The following ATP2C2 variants were observed in gnomAD, a reference collection of about 807,000 sequenced individuals.
ATP2C2 encodes the protein ATPase secretory pathway Ca2+ transporting 2, also known as calcium-transporting ATPase type 2C member 2.
ATP2C2 carries 171 observed loss-of-function variants against 110.8 expected under a neutral mutation model. That is an observed-to-expected ratio of 1.54 (90% CI 1.36 to 1.75). The LOEUF (loss-of-function observed/expected upper bound fraction) is 1.75, where lower values mean the gene tolerates loss of function less well. Among genes scored for constraint, ATP2C2 ranks in the 40% most tolerant of loss-of-function variants. ATP2C2 has a pLI of 0.00. For synonymous variants in ATP2C2, 804 were observed against 508.4 expected, an observed-to-expected ratio of 1.58 and a Z score of -7.82; for missense variants, 1,963 against 1,235.0, an observed-to-expected ratio of 1.59 and a Z score of -8.84.
Position 84,462,082 on chromosome 16 carries a change from T to TC in ATP2C2, c.2681dup (p.Leu895AlafsTer14), listed in dbSNP as rs758380801. ...CTGGGGCAGCTGGCGGTCATTTACATCCCCCCGCTGCAGAGGGTCTTCCAG... is the reference window on the plus strand; with the variant it reads ...CTGGGGCAGCTGGCGGTCATTTACATCCCCCCCGCTGCAGAGGGTCTTCCAG... On this transcript the variant is annotated frameshift_variant, in exon 26 of 27. Coordinates refer to ENST00000262429, the MANE Select transcript of ATP2C2 (RefSeq NM_014861.4). LOFTEE classifies it low-confidence loss of function (END_TRUNC). The TC allele has an allele frequency of 8.1e-6, 13 of 1,613,736 alleles. No individual in the cohort carries two copies. Among genetic ancestry groups the TC allele is most frequent in the Admixed American group, 3.3e-5 (2 of 59,974 alleles).
chr16:84,399,060 C>T (rs970443897), intron 2 of ATP2C2, among the ~76,000 whole-genome samples: 1 of 152,212 alleles, frequency 6.6e-6, no homozygotes, highest in Non-Finnish European at 1.5e-5. Flanking sequence ...GGTACTAAAA[C>T]CAAATTCTCC....
rs528016442 is a variant in ATP2C2, at chr16:84,455,676, T to A, written c.2147+692T>A. On this transcript the variant is annotated intron_variant, in intron 21 of 26. Transcript: ENST00000262429. Reference sequence around the variant, plus strand: ...ACAAAAAATCCAAATAAACAAATATTGAGGCTAGGTGGATCGTGCACTTTA... The same window carrying A: ...ACAAAAAATCCAAATAAACAAATATAGAGGCTAGGTGGATCGTGCACTTTA... 9.9e-5 allele frequency among the ~76,000 whole-genome samples: 15 copies of A among 151,976 alleles called. No individual in the cohort carries two copies. The South Asian group carries it at 2.9e-3, about 30-fold the overall frequency.
intron 10 of ATP2C2, among the ~76,000 whole-genome samples, chr16:84,423,638 T>G (rs1278894410): frequency 6.6e-6 from 1 of 152,198 alleles, no homozygotes; most frequent in Non-Finnish European, 1.5e-5. Context: ...GGAGGCCATG[T>G]TTCTGTTCAG....
chr16:84,461,843 G>A (rs781012637), intron 25 of ATP2C2, 31 bp downstream of exon 25: 1 of 1,610,314 alleles, frequency 6.2e-7, no homozygotes, highest in African/African-American at 1.3e-5. Context: ...CCTCGCTGCA[G>A]AGCTGCTGTG....
At position 84,448,585 on chromosome 16, in the gene ATP2C2, A is replaced by C. The variant is rs1037890927; in HGVS notation, c.1556A>C (p.Tyr519Ser). The C allele has an allele frequency of 6.2e-6, 10 of 1,613,974 alleles. No homozygotes were observed. The highest frequency in any genetic ancestry group is 1.3e-5 in the African/African-American group (1 of 74,916). ...MKGALEEVIR[Y>S]CTMYNNGGIP... ...GGGGCCTTGGAAGAGGTGATCCGCT[A>C]CTGCACCATGTACAACAACGGGGGC... The change falls in exon 17 of 27, where the codon TAC (tyrosine) becomes TCC (serine). Residue 519 changes from tyrosine to serine, a missense_variant. Transcript: ENST00000262429.
chr16:84,435,204 C>G (rs1038654006), intron 11 of ATP2C2, among the ~76,000 whole-genome samples: 2 of 152,198 alleles, frequency 1.3e-5, no homozygotes, highest in African/African-American at 4.8e-5. Context: ...TTTCACATTT[C>G]AACTCCTCTG....
chr16:84,461,793 C>T lies in ATP2C2; in HGVS notation c.2561C>T (p.Ala854Val). The change falls in exon 25 of 27, where the codon GCC becomes GTC. Residue 854 changes from alanine to valine, a missense_variant. Physicochemically the swap from Ala to Val is moderately conservative, Grantham distance 64. Coordinates refer to ENST00000262429, the MANE Select transcript of ATP2C2 (RefSeq NM_014861.4). ...TTTGTGTTTTTCGATCTCTTCAACG[C>T]CTTGACCTGCCGCTCTCAGGTGAGA... The part of the protein sequence containing the change: ...TCFVFFDLFN[A>V]LTCRSQTKLI... 2 of 1,614,172 alleles carry T rather than the reference C, an allele frequency of 1.2e-6. No individual in the cohort carries two copies. The highest frequency in any genetic ancestry group is 2.2e-5 in the South Asian group (2 of 91,090).
Position 84,408,445 on chromosome 16 carries a change from T to C in ATP2C2, c.368T>C (p.Leu123Pro), listed in dbSNP as rs1490504825. The stretch of plus-strand genomic sequence containing the variant: ...ATCCTGCTGCTGCTGGGCTCTGCCC[T>C]GGTGAGTGTCCTCACCAAGGAGTAT... ...PLILLLLGSA[L>P]VSVLTKEYED... is the part of the protein sequence containing the mutation. Residue 123 changes from leucine to proline, a missense_variant, in exon 4 of 27, where the codon CTG (leucine) becomes CCG (proline). Physicochemically the swap from Leu to Pro is moderately conservative, Grantham distance 98. Transcript: ENST00000262429. 1.2e-6 allele frequency: 2 copies of C among 1,613,926 alleles called. No homozygotes were observed. The highest frequency in any genetic ancestry group is 1.7e-6 in the Non-Finnish European group (2 of 1,180,004).
chr16:84,441,248 C>T (rs774146931), intron 14 of ATP2C2, among the ~76,000 whole-genome samples: 1 of 151,996 alleles, frequency 6.6e-6, no homozygotes, highest in African/African-American at 2.4e-5. Context: ...GCCTGAGCAA[C>T]GTAGTGAGAC....
chr16:84,444,736 A>AGCTGG (rs112334058), intron 15 of ATP2C2, among the ~76,000 whole-genome samples: 7,435 of 152,192 alleles, frequency 0.049, 219 homozygotes, highest in Admixed American at 0.077. Context: ...AGCACCCAGA[A>AGCTGG]GAGATTTCCT....
chr16:84,382,902 A>C (rs931690361), intron 1 of ATP2C2, among the ~76,000 whole-genome samples: 4 of 149,620 alleles, frequency 2.7e-5, no homozygotes, highest in African/African-American at 9.7e-5. Context: ...TCTAAAAAAA[A>C]AAAAAAAAAA....
intron 13 of ATP2C2, among the ~76,000 whole-genome samples, chr16:84,439,809 A>C (rs1909081399): frequency 6.6e-6 from 1 of 152,166 alleles, no homozygotes; most frequent in East Asian, 1.9e-4. Flanking sequence ...TCCACGATAA[A>C]CTAACCGTGA....
chr16:84,463,476 C>T (rs1210745706), intron 26 of ATP2C2, 138 bp from the exon 27 acceptor site: 2 of 710,310 alleles, frequency 2.8e-6, no homozygotes, highest in East Asian at 2.7e-5. Flanking sequence ...AGGAAGATCT[C>T]CCTGCCTTCA....
chr16:84,390,047 C>G (rs1052178026), intron 1 of ATP2C2, among the ~76,000 whole-genome samples: 2 of 152,148 alleles, frequency 1.3e-5, no homozygotes, highest in African/African-American at 4.8e-5. Context: ...CCCACGGCAG[C>G]CCTGTGGACC....
At chr16:84,374,673 G>C (rs1373516824) in intron 1 of ATP2C2, among the ~76,000 whole-genome samples, 15 of 152,104 alleles carry the variant, frequency 9.9e-5, no homozygotes. Flanking sequence ...GGGAGCTGAT[G>C]GGGGGTCCTT....
intron 11 of ATP2C2, among the ~76,000 whole-genome samples, chr16:84,437,930 G>A (rs1185282627): frequency 6.6e-6 from 1 of 152,190 alleles, no homozygotes; most frequent in Non-Finnish European, 1.5e-5. Context: ...TCTTTCTTGT[G>A]TAGATTTCCC....
chr16:84,394,385 G>T (rs1331395418), intron 1 of ATP2C2, among the ~76,000 whole-genome samples: 1 of 151,992 alleles, frequency 6.6e-6, no homozygotes, highest in Non-Finnish European at 1.5e-5. Flanking sequence ...GTCCCAGTCT[G>T]CTTTCTGCTC....
intron 7 of ATP2C2, among the ~76,000 whole-genome samples, chr16:84,421,404 C>G (rs796245905): frequency 2.6e-5 from 4 of 152,294 alleles, no homozygotes; most frequent in African/African-American, 9.6e-5. Flanking sequence ...TAAAAGATGA[C>G]TACTAAATTT....
chr16:84,408,268 C>A, intron 3 of ATP2C2, 137 bp from the exon 4 acceptor site: 3 of 774,042 alleles, frequency 3.9e-6, no homozygotes, highest in East Asian at 5.3e-5. Context: ...GTCTCCCCAG[C>A]CCTCGGTCAC....
Sources: gnomAD v4.1 joint callset for allele counts (sites outside exome capture counted in the v4.1 genomes callset) on GRCh38, gnomAD v4.1.1 for gene constraint, MANE v1.5 for transcripts, NCBI Gene and HGNC (gene_info 2026-07-23, HGNC 2026-07-21) for gene names.